Variants in RBMS3 observed in about 807,000 individuals in gnomAD.
The protein encoded by RBMS3 is RNA binding motif single stranded interacting protein 3.
In RBMS3, 27 loss-of-function variants were observed where a neutral mutation model predicts 66.8. The observed-to-expected ratio is 0.40, with a 90% CI of 0.30 to 0.56. The LOEUF is 0.56. Ranked by LOEUF, RBMS3 falls within the 20% of genes least tolerant of loss-of-function variation. RBMS3 has a pLI of 0.40. For missense variants in RBMS3, 513 were observed against 549.5 expected (o/e 0.93, Z 0.66); for synonymous variants, 188 against 183.0 (o/e 1.03, Z -0.22).
rs530287385 is a variant in RBMS3 at position 29,692,501 on chromosome 3, G to A, written c.400-47219G>A. Among the ~76,000 whole-genome samples the A allele has an allele frequency of 2.6e-5, 4 of 152,164 alleles. No individual in the cohort carries two copies. The South Asian group carries it at 6.2e-4, about 24-fold the overall frequency. On this transcript the variant is annotated intron_variant, in intron 4 of 14. Transcript: ENST00000383767. The stretch of plus-strand genomic sequence containing the variant: ...GACCTGACTTGCTCACATTAAAAAC[G>A]GAACAACAGAACCGTAGAAAAAGTG...
intron 1 of RBMS3, among the ~76,000 whole-genome samples, chr3:29,338,326 A>T (rs1457537863): frequency 6.6e-6 from 1 of 152,200 alleles, no homozygotes; most frequent in Non-Finnish European, 1.5e-5. Context: ...AAAATGTGTC[A>T]TAATTTACAG....
At chr3:29,427,643 G>C (rs748588938) in intron 1 of RBMS3, among the ~76,000 whole-genome samples, 1 of 152,196 alleles carries the variant, frequency 6.6e-6, no homozygotes, top group Non-Finnish European at 1.5e-5. Flanking sequence ...TAGTAAAAGA[G>C]ATGGCATGTC....
chr3:29,884,335 A>G (rs1294777318), intron 8 of RBMS3, 127 bp downstream of exon 8: 15 of 830,376 alleles, frequency 1.8e-5, no homozygotes, highest in Non-Finnish European at 2.2e-5. Flanking sequence ...GTTTAAACCA[A>G]GCATTTTTCA....
intron 1 of RBMS3, among the ~76,000 whole-genome samples, chr3:29,419,419 CAT>C (rs1174640370): frequency 6.6e-6 from 1 of 152,090 alleles, no homozygotes; most frequent in African/African-American, 2.4e-5. Flanking sequence ...CTATTTTACA[CAT>C]GTTATAGTGT....
chr3:29,964,261 GT>G (rs1696679841), intron 12 of RBMS3, among the ~76,000 whole-genome samples: 2 of 152,128 alleles, frequency 1.3e-5, no homozygotes, highest in South Asian at 4.1e-4. Context: ...GTGAAATTTA[GT>G]TTTAAAAAGT....
chr3:29,534,633 G>A (rs1410533424), intron 3 of RBMS3, among the ~76,000 whole-genome samples: 1 of 152,126 alleles, frequency 6.6e-6, no homozygotes, highest in Admixed American at 6.6e-5. Context: ...TATAGATTTT[G>A]TTGGAATTAG....
At chr3:29,649,819 A>G (rs551094923) in intron 4 of RBMS3, among the ~76,000 whole-genome samples, 2 of 152,350 alleles carry the variant, frequency 1.3e-5, no homozygotes, top group Non-Finnish European at 2.9e-5. Context: ...TTAATGTACT[A>G]GTTAGTATCC....
intron 6 of RBMS3, among the ~76,000 whole-genome samples, chr3:29,831,752 G>C (rs1403299253): frequency 1.3e-5 from 2 of 152,038 alleles, no homozygotes; most frequent in Non-Finnish European, 2.9e-5. Context: ...TTTACCAAAA[G>C]CTGTTAGATT....
chr3:29,755,481 A>G (rs1392367009), intron 5 of RBMS3, among the ~76,000 whole-genome samples: 2 of 152,238 alleles, frequency 1.3e-5, no homozygotes, highest in African/African-American at 2.4e-5. Flanking sequence ...AAGAAAATTA[A>G]GGAGTATTTA....
intron 6 of RBMS3, among the ~76,000 whole-genome samples, chr3:29,819,339 G>A (rs1044105760): frequency 3.3e-5 from 5 of 152,124 alleles, no homozygotes; most frequent in Non-Finnish European, 4.4e-5. Context: ...GCAATAAAAA[G>A]CAGCCATAAA....
intron 3 of RBMS3, chr3:29,556,508 C>G (rs1213919755): frequency 6.6e-6 from 1 of 152,490 alleles, no homozygotes; most frequent in Non-Finnish European, 1.5e-5. Flanking sequence ...GAGGCTGAGG[C>G]AGGAGAATGG....
In RBMS3 at chr3:29,948,498, C is replaced by A. The variant is rs77868421; in HGVS notation, c.1098+4244C>A. The stretch of plus-strand genomic sequence containing the variant: ...GCTTCAAAGAACAAGGAGAACAAGA[C>A]CATCTTTCAAGCTCTAAGCAACATT... On this transcript the variant is annotated intron_variant, in intron 12 of 14. Transcript: ENST00000383767. Among the ~76,000 whole-genome samples the A allele has an allele frequency of 2.1e-3, 316 of 151,836 alleles. 1 individual carries two copies. Among genetic ancestry groups the A allele is most frequent in the African/African-American group, 7.2e-3 (297 of 41,500 alleles).
At chr3:29,604,583 G>T (rs1024789736) in intron 4 of RBMS3, among the ~76,000 whole-genome samples, 1 of 151,858 alleles carries the variant, frequency 6.6e-6, no homozygotes, top group African/African-American at 2.4e-5. Flanking sequence ...AAATGTCGTG[G>T]GAAAGAAGAA....
intron 2 of RBMS3, among the ~76,000 whole-genome samples, chr3:29,436,320 G>A (rs2041401942): frequency 6.6e-6 from 1 of 152,126 alleles, no homozygotes; most frequent in African/African-American, 2.4e-5. Flanking sequence ...CTGTCTAATT[G>A]TTTGACAAAA....
chr3:29,847,856 C>T (rs1053021870), intron 6 of RBMS3, among the ~76,000 whole-genome samples: 4 of 152,082 alleles, frequency 2.6e-5, no homozygotes, highest in Non-Finnish European at 5.9e-5. Flanking sequence ...CGGGGTGTCA[C>T]CGTGTTAACC....
At chr3:29,289,021 A>G (rs1385610187) in intron 1 of RBMS3, among the ~76,000 whole-genome samples, 2 of 151,988 alleles carry the variant, frequency 1.3e-5, no homozygotes, top group Non-Finnish European at 2.9e-5. Context: ...GCTTTGAAAA[A>G]TCATACATTA....
chr3:29,381,047 T>C lies in RBMS3; in HGVS notation c.76-53696T>C, dbSNP rs913747474. On this transcript the variant is annotated intron_variant, in intron 1 of 14. Transcript: ENST00000383767. ...TCTCGATACTCCATATGATACATCATGTGCAAAAAGTGCCATTTGTAATTT... is the reference window on the plus strand; with the variant it reads ...TCTCGATACTCCATATGATACATCACGTGCAAAAAGTGCCATTTGTAATTT... Among the ~76,000 whole-genome samples, 4 of 152,314 alleles carry C rather than the reference T, an allele frequency of 2.6e-5. No homozygotes were observed. In the East Asian group the frequency reaches 7.7e-4, roughly 29 times the overall value.
chr3:29,858,027 A>G (rs1269051399), intron 6 of RBMS3, among the ~76,000 whole-genome samples: 1 of 152,190 alleles, frequency 6.6e-6, no homozygotes, highest in Non-Finnish European at 1.5e-5. Flanking sequence ...CCAACATACT[A>G]AGCAAAACTA....
rs535206534 is a variant in RBMS3, at chr3:29,856,002, A to G, written c.638-12856A>G. 1.5e-3 allele frequency among the ~76,000 whole-genome samples: 221 copies of G among 152,400 alleles called. 3 individuals are homozygous for G. The South Asian group carries it at 0.023, about 16-fold the overall frequency. ...ATAAATGAGTGAGCTGAGGTGTTCC[A>G]CAGATACCAAATTAGAAGTGTATAT... On this transcript the variant is annotated intron_variant, in intron 6 of 14. Coordinates refer to ENST00000383767, the MANE Select transcript of RBMS3 (RefSeq NM_001003793.3).
Sources: gnomAD v4.1 joint callset for allele counts (sites outside exome capture counted in the v4.1 genomes callset) on GRCh38, gnomAD v4.1.1 for gene constraint, MANE v1.5 for transcripts, NCBI Gene and HGNC (gene_info 2026-07-23, HGNC 2026-07-21) for gene names.